The following CHN2 variants were observed in gnomAD, a reference collection of about 807,000 sequenced individuals.
CHN2 encodes chimerin 2.
A neutral mutation model predicts 56.3 loss-of-function variants in CHN2; 35 were observed. That is an observed-to-expected ratio of 0.62 (90% CI 0.47 to 0.82). The LOEUF (loss-of-function observed/expected upper bound fraction) is 0.82, where lower values mean the gene tolerates loss of function less well. Among genes scored for constraint, CHN2 ranks in the 40% least tolerant of loss-of-function variants. The probability of loss-of-function intolerance (pLI) is 0.00; values close to 1 mark genes in which losing one functional copy is unlikely to be tolerated. For missense variants in CHN2, 491 were observed against 580.5 expected, an observed-to-expected ratio of 0.85 and a Z score of 1.58; for synonymous variants, 210 against 212.8, an observed-to-expected ratio of 0.99 and a Z score of 0.12.
intron 1 of CHN2, among the ~76,000 whole-genome samples, chr7:29,290,186 A>T (rs1324217312): frequency 6.6e-6 from 1 of 152,224 alleles, no homozygotes; most frequent in Admixed American, 6.5e-5. Context: ...AACATGCTGC[A>T]TTCACGTTCT....
intron 6 of CHN2, among the ~76,000 whole-genome samples, chr7:29,419,674 G>C (rs1344957285): frequency 6.6e-6 from 1 of 152,124 alleles, no homozygotes; most frequent in Non-Finnish European, 1.5e-5. Flanking sequence ...ATTTAAAAAT[G>C]GGCAAAGGAC....
At chr7:29,316,195 G>A (rs1004056) in intron 1 of CHN2, among the ~76,000 whole-genome samples, 135,910 of 152,220 alleles carry the variant, frequency 0.89, 60,793 homozygotes, top group East Asian at 1. Flanking sequence ...GGATCTTGCA[G>A]TTCAGCACAT....
chr7:29,389,210 G>A (rs1340193240), intron 3 of CHN2, among the ~76,000 whole-genome samples: 1 of 152,156 alleles, frequency 6.6e-6, no homozygotes, highest in African/African-American at 2.4e-5. Flanking sequence ...TTCAGAGCAA[G>A]TCACAATGAA....
At chr7:29,295,583 A>C (rs999515990) in intron 1 of CHN2, among the ~76,000 whole-genome samples, 1 of 152,160 alleles carries the variant, frequency 6.6e-6, no homozygotes, top group Non-Finnish European at 1.5e-5. Context: ...CTATTTAAAA[A>C]AAAAAAAAAT....
At chr7:29,469,858 A>G (rs79544574) in intron 6 of CHN2, among the ~76,000 whole-genome samples, 1,864 of 152,308 alleles carry the variant, frequency 0.012, 33 homozygotes, top group African/African-American at 0.042. Flanking sequence ...GGCCTAATAC[A>G]GTGCCTGATA....
In CHN2 at chr7:29,509,417, G is replaced by A; in HGVS notation, c.1235+11G>A. The A allele has an allele frequency of 6.2e-7, 1 of 1,603,860 alleles. No homozygotes were observed. Among genetic ancestry groups the A allele is most frequent in the Non-Finnish European group, 8.5e-7 (1 of 1,170,802 alleles). ...GATCCACCTCAAAAAGTAAGCTCAT[G>A]TCTCGTGCACAAAGCCTGCTCTGCT... On this transcript the variant is annotated intron_variant, in intron 12 of 12. Coordinates refer to ENST00000222792, the MANE Select transcript of CHN2 (RefSeq NM_004067.4).
intron 2 of CHN2, among the ~76,000 whole-genome samples, chr7:29,175,746 A>C (rs1028435840): frequency 6.6e-6 from 1 of 152,146 alleles, no homozygotes; most frequent in Non-Finnish European, 1.5e-5. Flanking sequence ...AGCGGAGCAC[A>C]GGGAAAAAAA....
chr7:29,512,492 C>G, intron 12 of CHN2, 72 bp from the exon 13 acceptor site: 1 of 1,334,830 alleles, frequency 7.5e-7, no homozygotes, highest in South Asian at 1.5e-5. Context: ...TCGGGACTTA[C>G]ATACATAATC....
chr7:29,328,108 A>T (rs1795948917), intron 1 of CHN2, among the ~76,000 whole-genome samples: 3 of 152,170 alleles, frequency 2.0e-5, no homozygotes, highest in Admixed American at 2.0e-4. Context: ...TGAGTCTTTA[A>T]AGAGAGTTCA....
chr7:29,393,742 T>C, intron 4 of CHN2, 32 bp downstream of exon 4: 1 of 715,508 alleles, frequency 1.4e-6, no homozygotes, highest in African/African-American at 1.9e-5. Context: ...GTTTTAATAA[T>C]TTAATAAGTA....
chr7:29,175,961 A>C (rs767897672), intron 2 of CHN2, among the ~76,000 whole-genome samples: 4 of 151,974 alleles, frequency 2.6e-5, no homozygotes, highest in Non-Finnish European at 4.4e-5. Flanking sequence ...CCGAGGCGGG[A>C]AGATCACAAG....
chr7:29,337,666 T>C (rs1796727618), intron 1 of CHN2, among the ~76,000 whole-genome samples: 1 of 152,202 alleles, frequency 6.6e-6, no homozygotes, highest in Admixed American at 6.5e-5. Context: ...GTTCAAGCAT[T>C]TGGCATGGAA....
chr7:29,379,217 G>A (rs1435888523), intron 3 of CHN2, among the ~76,000 whole-genome samples: 3 of 152,194 alleles, frequency 2.0e-5, no homozygotes, highest in Admixed American at 6.5e-5. Flanking sequence ...GTTACAAGAC[G>A]CAGGTGTTCT....
intron 1 of CHN2, among the ~76,000 whole-genome samples, chr7:29,228,039 CTGAGTTCTAAACA>C (rs1721856492): frequency 6.6e-6 from 1 of 151,972 alleles, no homozygotes; most frequent in African/African-American, 2.4e-5. Context: ...TATATATTTT[CTGAGTTCTAAACA>C]TGATATCAAG....
At chr7:29,195,629 A>AGAGAGAGAGAGAGAGAGAGAGG (rs869037854) in intron 1 of CHN2, among the ~76,000 whole-genome samples, 2 of 117,504 alleles carry the variant, frequency 1.7e-5, no homozygotes, top group African/African-American at 3.6e-5. Flanking sequence ...AGAGAGAGAG[A>AGAGAGAGAGAGAGAGAGAGAGG]GTGTGTGTGT....
intron 1 of CHN2, among the ~76,000 whole-genome samples, chr7:29,340,793 G>A (rs1048375538): frequency 1.3e-5 from 2 of 152,200 alleles, no homozygotes; most frequent in Admixed American, 1.3e-4. Flanking sequence ...ACATATATGG[G>A]ACATGTAGGT....
intron 12 of CHN2, chr7:29,509,615 T>C (rs550933240): frequency 5.7e-4 from 237 of 417,250 alleles, no homozygotes; most frequent in African/African-American, 4.1e-3. Flanking sequence ...GAGGCCGAGG[T>C]GGGCGGATCA....
At chr7:29,169,870 G>A (rs1304744495) in intron 2 of CHN2, among the ~76,000 whole-genome samples, 1 of 146,170 alleles carries the variant, frequency 6.8e-6, no homozygotes, top group Non-Finnish European at 1.5e-5. Context: ...ACGTGTGTGT[G>A]TGTGTGTGTG....
chr7:29,275,502 T>C (rs975289619), intron 1 of CHN2, among the ~76,000 whole-genome samples: 14 of 152,182 alleles, frequency 9.2e-5, no homozygotes, highest in Admixed American at 3.3e-4. Flanking sequence ...GGCAGTAATT[T>C]TAAAATAAAT....
Sources: allele counts gnomAD v4.1 joint callset (sites outside exome capture counted in the v4.1 genomes callset), GRCh38; gene constraint gnomAD v4.1.1; transcripts MANE v1.5; gene names NCBI Gene and HGNC (gene_info 2026-07-23, HGNC 2026-07-21).